The following SCHIP1 variants were observed in gnomAD, a reference collection of about 807,000 sequenced individuals.
The protein encoded by SCHIP1 is schwannomin-interacting protein 1.
A neutral mutation model predicts 29.7 loss-of-function variants in SCHIP1; 8 were observed. That is an observed-to-expected ratio of 0.27 (90% CI 0.16 to 0.49). The LOEUF is 0.49. Among genes scored for constraint, SCHIP1 ranks in the 20% least tolerant of loss-of-function variants. The pLI, the probability that SCHIP1 is intolerant of heterozygous loss-of-function variation, is 0.99. For synonymous variants in SCHIP1, 76 were observed against 94.9 expected (o/e 0.80, Z 1.16); for missense variants, 193 against 294.6 (o/e 0.66, Z 2.52).
At chr3:159,737,336 A>T in the SCHIP1 span, among the ~76,000 whole-genome samples, 5 of 152,272 alleles carry the variant, frequency 3.3e-5, no homozygotes, top group African/African-American at 1.2e-4. Context: ...GCCAGTCTCT[A>T]TCCCCAGAGT....
chr3:159,824,725 G>T, the SCHIP1 span, among the ~76,000 whole-genome samples: 2 of 152,184 alleles, frequency 1.3e-5, no homozygotes, highest in East Asian at 3.9e-4. Flanking sequence ...TTCCTAGAGG[G>T]ACAGCATTTG....
chr3:159,362,702 C>T, the SCHIP1 span, among the ~76,000 whole-genome samples: 1 of 152,120 alleles, frequency 6.6e-6, no homozygotes, highest in Non-Finnish European at 1.5e-5. Flanking sequence ...CCAGGATTTC[C>T]CCCCCGGCCA....
chr3:159,564,158 C>T, the SCHIP1 span, among the ~76,000 whole-genome samples: 2 of 152,080 alleles, frequency 1.3e-5, no homozygotes, highest in Non-Finnish European at 2.9e-5. Flanking sequence ...AACTTCTGTA[C>T]CCTGCACTCA....
At chr3:159,782,577 CCTTT>C in the SCHIP1 span, among the ~76,000 whole-genome samples, 1 of 151,978 alleles carries the variant, frequency 6.6e-6, no homozygotes, top group Non-Finnish European at 1.5e-5. Flanking sequence ...TGGCTTTATG[CCTTT>C]CTTTCTGCCT....
the SCHIP1 span, among the ~76,000 whole-genome samples, chr3:159,320,543 G>T: frequency 1.3e-5 from 2 of 152,044 alleles, no homozygotes; most frequent in South Asian, 2.1e-4. Context: ...TCAAATTCAG[G>T]TTCAGATCTT....
the SCHIP1 span, among the ~76,000 whole-genome samples, chr3:159,681,481 T>C: frequency 6.6e-6 from 1 of 152,242 alleles, no homozygotes; most frequent in South Asian, 2.1e-4. Context: ...CCTGCTCACA[T>C]GCATTTATAA....
chr3:159,304,335 C>T, the SCHIP1 span, among the ~76,000 whole-genome samples: 5 of 152,136 alleles, frequency 3.3e-5, no homozygotes, highest in Admixed American at 3.3e-4. Context: ...AGTTTTAAAA[C>T]TTTACAGCTC....
the SCHIP1 span, among the ~76,000 whole-genome samples, chr3:159,328,384 G>A: frequency 6.6e-6 from 1 of 152,210 alleles, no homozygotes; most frequent in Non-Finnish European, 1.5e-5. Context: ...TAGTGGGGCT[G>A]TGACAGAAGT....
chr3:159,697,114 C>T, the SCHIP1 span, among the ~76,000 whole-genome samples: 6 of 152,158 alleles, frequency 3.9e-5, no homozygotes, highest in African/African-American at 1.4e-4. Flanking sequence ...CTAATTGGGA[C>T]ACTGTTACTA....
chr3:159,607,931 G>A, the SCHIP1 span, among the ~76,000 whole-genome samples: 1 of 152,158 alleles, frequency 6.6e-6, no homozygotes. Flanking sequence ...CATGAAGCAC[G>A]GGAAGTCGGC....
chr3:159,888,008 G>C, intron 4 of SCHIP1, 103 bp downstream of exon 5: 1 of 1,474,150 alleles, frequency 6.8e-7, no homozygotes, highest in Admixed American at 2.3e-5. Context: ...GTTTCTCTAA[G>C]GCGGTTTGTA....
the SCHIP1 span, among the ~76,000 whole-genome samples, chr3:159,492,035 A>G: frequency 2.3e-4 from 35 of 152,336 alleles, 1 homozygote; most frequent in African/African-American, 7.7e-4. Flanking sequence ...CTGCGGCTGA[A>G]GGTCCTGACT....
chr3:159,552,259 T>G, the SCHIP1 span, among the ~76,000 whole-genome samples: 2 of 152,028 alleles, frequency 1.3e-5, no homozygotes, highest in Non-Finnish European at 2.9e-5. Flanking sequence ...TTGGCCAGAC[T>G]GGTCTCCAAC....
chr3:159,823,747 C>T, the SCHIP1 span, among the ~76,000 whole-genome samples: 1 of 152,194 alleles, frequency 6.6e-6, no homozygotes, highest in South Asian at 2.1e-4. Context: ...ATCTGCCCAC[C>T]TTTGACAGGC....
the SCHIP1 span, among the ~76,000 whole-genome samples, chr3:159,360,324 G>A: frequency 2.0e-5 from 3 of 152,108 alleles, no homozygotes; most frequent in African/African-American, 7.2e-5. Flanking sequence ...GTGTACAGTT[G>A]CATGCATTTT....
At chr3:159,693,346 T>A in the SCHIP1 span, among the ~76,000 whole-genome samples, 1 of 150,940 alleles carries the variant, frequency 6.6e-6, no homozygotes, top group Admixed American at 6.6e-5. Context: ...TACGCACACA[T>A]ATATATATAT....
At chr3:159,720,956 ATAAT>A in the SCHIP1 span, among the ~76,000 whole-genome samples, 1 of 152,226 alleles carries the variant, frequency 6.6e-6, no homozygotes, top group Non-Finnish European at 1.5e-5. Flanking sequence ...TTTGTATTTA[ATAAT>A]TAAATTCTAA....
chr3:159,533,844 G>C, the SCHIP1 span, among the ~76,000 whole-genome samples: 1 of 152,150 alleles, frequency 6.6e-6, no homozygotes, highest in Non-Finnish European at 1.5e-5. Context: ...AGAAAGCAGG[G>C]AACTTTTAAT....
At chr3:159,552,973 C>T in the SCHIP1 span, among the ~76,000 whole-genome samples, 67 of 152,188 alleles carry the variant, frequency 4.4e-4, 1 homozygote, top group Admixed American at 4.4e-3. Flanking sequence ...AACCAAGAGA[C>T]TATATCTGTA....
Sources: gnomAD v4.1 joint callset for allele counts (sites outside exome capture counted in the v4.1 genomes callset) on GRCh38, gnomAD v4.1.1 for gene constraint, MANE v1.5 for transcripts, NCBI Gene and HGNC (gene_info 2026-07-23, HGNC 2026-07-21) for gene names.